Variants in RHBDL3 observed in about 807,000 individuals in gnomAD.
RHBDL3 encodes rhomboid-related protein 3.
A neutral mutation model predicts 48.2 loss-of-function variants in RHBDL3; 28 were observed. The observed-to-expected ratio is 0.58, with a 90% CI of 0.43 to 0.80. RHBDL3 has a LOEUF of 0.80. Ranked by LOEUF, RHBDL3 falls within the 30% of genes least tolerant of loss-of-function variation. RHBDL3 has a pLI of 0.00. For synonymous variants in RHBDL3, 208 were observed against 232.3 expected (o/e 0.90, Z 0.95); for missense variants, 464 against 542.7 (o/e 0.85, Z 1.44).
Position 32,324,129 on chromosome 17 carries a change from A to G in RHBDL3, c.*2900A>G, listed in dbSNP as rs536668592. The G allele has an allele frequency of 2.6e-5, 4 of 152,726 alleles. No individual in the cohort carries two copies. The highest frequency in any genetic ancestry group is 9.6e-5 in the African/African-American group (4 of 41,604). The allele number at this position is 152,726 out of a possible 1,614,324, so 9.5% of individuals were successfully genotyped here. A position where few individuals can be genotyped will look rare whatever the true frequency, so the allele number is the denominator to read the frequency against. On this transcript the variant is annotated 3_prime_UTR_variant, in exon 9 of 9. Transcript: ENST00000269051. ...GCTGGGGAATCCCCAAACAGCAGCC[A>G]TAGACTCACTGGCTCTCATTAAACG... is the stretch of plus-strand genomic sequence containing the variant.
intron 5 of RHBDL3, among the ~76,000 whole-genome samples, chr17:32,295,350 G>T (rs1005646427): frequency 7.2e-5 from 11 of 152,258 alleles, no homozygotes; most frequent in Non-Finnish European, 1.5e-4. Flanking sequence ...ACCTGCGGGG[G>T]AGGGTGCTTT....
chr17:32,290,751 C>T (rs1441159362), intron 4 of RHBDL3, among the ~76,000 whole-genome samples: 3 of 152,116 alleles, frequency 2.0e-5, no homozygotes, highest in African/African-American at 7.2e-5. Flanking sequence ...ACCTGTAATG[C>T]CAGCACTTTG....
intron 2 of RHBDL3, among the ~76,000 whole-genome samples, chr17:32,283,558 T>C (rs556804660): frequency 2.0e-3 from 307 of 151,820 alleles, no homozygotes; most frequent in Middle Eastern, 0.017. Flanking sequence ...CTCCTGACCT[T>C]GTGATCCGCC....
intron 4 of RHBDL3, 72 bp downstream of exon 4, chr17:32,289,088 A>T: frequency 1.7e-6 from 2 of 1,196,550 alleles, no homozygotes; most frequent in Non-Finnish European, 2.5e-6. Context: ...AGCCAAGAGG[A>T]TGACACACAG....
chr17:32,282,519 T>C (rs959818130), intron 2 of RHBDL3, among the ~76,000 whole-genome samples: 1 of 152,206 alleles, frequency 6.6e-6, no homozygotes, highest in African/African-American at 2.4e-5. Context: ...TGAGCTATGA[T>C]GGCACCACTT....
At chr17:32,302,009 T>A (rs2040594909) in intron 6 of RHBDL3, among the ~76,000 whole-genome samples, 1 of 152,240 alleles carries the variant, frequency 6.6e-6, no homozygotes, top group Admixed American at 6.5e-5. Context: ...TGTGCTGGCA[T>A]GACCTCAGAA....
chr17:32,266,181 G>A lies in RHBDL3; in HGVS notation c.-9G>A. The A allele has an allele frequency of 7.6e-6, 9 of 1,186,098 alleles. No homozygotes were observed. The highest frequency in any genetic ancestry group is 9.5e-6 in the Non-Finnish European group (9 of 951,860). 73.5% of individuals were successfully genotyped at this position (1,186,098 alleles called of 1,614,324 possible). A position where few individuals can be genotyped will look rare whatever the true frequency, so the allele number is the denominator to read the frequency against. On this transcript the variant is annotated 5_prime_UTR_variant, in exon 1 of 9. Coordinates refer to ENST00000269051, the MANE Select transcript of RHBDL3 (RefSeq NM_138328.3). ...GCAGCCGCCGCCGCCCCCGGACCCC[G>A]TCTCGGCCATGGGCGAGCACCCCAG...
At chr17:32,271,918 C>T (rs115094129) in intron 2 of RHBDL3, among the ~76,000 whole-genome samples, 1,781 of 152,280 alleles carry the variant, frequency 0.012, 44 homozygotes, top group African/African-American at 0.04. Flanking sequence ...GAACAGAAGG[C>T]GTGGATCCGC....
chr17:32,270,896 G>T (rs1394360063), intron 2 of RHBDL3, among the ~76,000 whole-genome samples: 1 of 152,058 alleles, frequency 6.6e-6, no homozygotes, highest in African/African-American at 2.4e-5. Context: ...GTATAATATC[G>T]TAGTAAAGAT....
intron 2 of RHBDL3, among the ~76,000 whole-genome samples, chr17:32,271,397 C>T (rs1250943176): frequency 1.3e-5 from 2 of 151,984 alleles, no homozygotes; most frequent in Non-Finnish European, 2.9e-5. Context: ...GGTAATGTCC[C>T]CTTTAGTTAT....
At chr17:32,317,029 G>A (rs764589238) in intron 8 of RHBDL3, among the ~76,000 whole-genome samples, 36 of 151,460 alleles carry the variant, frequency 2.4e-4, no homozygotes, top group Admixed American at 5.9e-4. Context: ...GTGCCACCAC[G>A]CCCAGCTACT....
chr17:32,274,349 G>T (rs973902903), intron 2 of RHBDL3, among the ~76,000 whole-genome samples: 2 of 152,216 alleles, frequency 1.3e-5, no homozygotes, highest in African/African-American at 4.8e-5. Flanking sequence ...TTGTGCTAGA[G>T]AAACCAGTCC....
chr17:32,321,483 T>C lies in RHBDL3; in HGVS notation c.*254T>C, dbSNP rs1234827686. 3 of 1,009,838 alleles carry C rather than the reference T, an allele frequency of 3.0e-6. No homozygotes were observed. The highest frequency in any genetic ancestry group is 4.2e-6 in the Non-Finnish European group (3 of 708,000). The allele number at this position is 1,009,838 out of a possible 1,614,324, so 62.6% of individuals were successfully genotyped here. A position where few individuals can be genotyped will look rare whatever the true frequency, so the allele number is the denominator to read the frequency against. ...ATGACATCGGGCCAGGGTGAAGGTC[T>C]GGGGTGGGGTGTGAGAGTGGCCCTC... On this transcript the variant is annotated 3_prime_UTR_variant, in exon 9 of 9. Transcript: ENST00000269051.
chr17:32,292,225 A>G (rs570724877), intron 4 of RHBDL3, among the ~76,000 whole-genome samples: 1 of 152,362 alleles, frequency 6.6e-6, no homozygotes, highest in East Asian at 1.9e-4. Flanking sequence ...TGCAAAATCA[A>G]CTTCTGTGGA....
intron 7 of RHBDL3, among the ~76,000 whole-genome samples, chr17:32,310,720 T>A (rs200069434): frequency 0.05 from 1,762 of 35,086 alleles, 86 homozygotes; most frequent in East Asian, 0.081. Context: ...CTAAAAAAAA[T>A]ATATATATAA....
chr17:32,306,874 TTGC>T (rs751409466), intron 7 of RHBDL3, among the ~76,000 whole-genome samples: 2 of 152,072 alleles, frequency 1.3e-5, no homozygotes, highest in Non-Finnish European at 2.9e-5. Flanking sequence ...TGAGCAGAGA[TTGC>T]ACCACTGCAC....
At chr17:32,303,110 G>A (rs2040624895) in intron 6 of RHBDL3, among the ~76,000 whole-genome samples, 1 of 152,216 alleles carries the variant, frequency 6.6e-6, no homozygotes, top group Non-Finnish European at 1.5e-5. Context: ...CCTAGGGTCA[G>A]GACTCCGAGC....
chr17:32,269,289 AGTGAGCCACGATC>A (rs1280647132), intron 2 of RHBDL3, among the ~76,000 whole-genome samples: 1 of 152,246 alleles, frequency 6.6e-6, no homozygotes, highest in Non-Finnish European at 1.5e-5. Context: ...TTGAGGCTGC[AGTGAGCCACGATC>A]GTGCTACTGC....
chr17:32,297,585 C>G (rs969471096), intron 5 of RHBDL3, among the ~76,000 whole-genome samples: 1 of 150,718 alleles, frequency 6.6e-6, no homozygotes, highest in African/African-American at 2.4e-5. Context: ...AGCGTGGCCA[C>G]TAACTGTGGC....
Sources: allele counts gnomAD v4.1 joint callset (sites outside exome capture counted in the v4.1 genomes callset), GRCh38; gene constraint gnomAD v4.1.1; transcripts MANE v1.5; gene names NCBI Gene and HGNC (gene_info 2026-07-23, HGNC 2026-07-21).